DOK7: variants seen among roughly 807,000 people sequenced by gnomAD.
The protein encoded by DOK7 is protein Dok-7.
In DOK7, 32 loss-of-function variants were observed where a neutral mutation model predicts 30.7. The observed-to-expected ratio is 1.04, with a 90% CI of 0.79 to 1.40. The LOEUF (loss-of-function observed/expected upper bound fraction) is 1.40, where lower values mean the gene tolerates loss of function less well. Ranked by LOEUF, DOK7 falls within the 40% of genes most tolerant of loss-of-function variation. DOK7 has a pLI of 0.00. For synonymous variants in DOK7, 447 were observed against 324.1 expected (o/e 1.38, Z -4.07); for missense variants, 1,007 against 699.2 (o/e 1.44, Z -4.97).
chr4:3,483,931 C>G (rs946498855), intron 4 of DOK7, among the ~76,000 whole-genome samples: 1 of 152,218 alleles, frequency 6.6e-6, no homozygotes, highest in Non-Finnish European at 1.5e-5. Context: ...TCACGGCCCT[C>G]ATGAGCCTCT....
chr4:3,485,779 C>G (rs1032053127), intron 5 of DOK7, 121 bp downstream of exon 5: 13 of 1,333,418 alleles, frequency 9.7e-6, no homozygotes, highest in Non-Finnish European at 1.3e-5. Context: ...CCACCCCCAG[C>G]TAAGGAACCA....
At chr4:3,497,153 G>A (rs1187900794), downstream of DOK7, among the ~76,000 whole-genome samples, 1 of 152,080 alleles carries the variant, frequency 6.6e-6, no homozygotes, top group Non-Finnish European at 1.5e-5. Flanking sequence ...GCAGGCTGCT[G>A]GAGGATGGAC....
At chr4:3,484,080 G>A (rs998406768) in intron 4 of DOK7, among the ~76,000 whole-genome samples, 2 of 152,350 alleles carry the variant, frequency 1.3e-5, no homozygotes, top group African/African-American at 2.4e-5. Flanking sequence ...GGGGCCAGGG[G>A]ACTTGGACTT....
Position 3,485,663 on chromosome 4 carries a change from G to A in DOK7, c.652+5G>A, listed in dbSNP as rs772918388. Reference sequence around the variant, plus strand: ...GGCTGCGGCCGGTTCTACCAGGTGCGTGTGGGAGCCTGGCCGGCCGGGGAG... The same window carrying A: ...GGCTGCGGCCGGTTCTACCAGGTGCATGTGGGAGCCTGGCCGGCCGGGGAG... On this transcript the variant is annotated splice_donor_5th_base_variant and intron_variant, in intron 5 of 6. Transcript: ENST00000340083. 35 of 1,570,478 alleles carry A rather than the reference G, an allele frequency of 2.2e-5. No homozygotes were observed. The highest frequency in any genetic ancestry group is 2.1e-4 in the East Asian group (9 of 42,000).
chr4:3,484,525 G>T, intron 4 of DOK7: 3 of 985,530 alleles, frequency 3.0e-6, no homozygotes, highest in Non-Finnish European at 3.6e-6. Flanking sequence ...CCAGCCGGGT[G>T]CAGCCAGCCC....
At chr4:3,480,981 A>G (rs1162483854) in intron 4 of DOK7, among the ~76,000 whole-genome samples, 3 of 152,098 alleles carry the variant, frequency 2.0e-5, no homozygotes, top group Admixed American at 6.5e-5. Context: ...CAGGGTGAAT[A>G]GGAGTTAGCT....
Position 3,487,595 on chromosome 4 carries a change from C to T in DOK7, c.652+1937C>T, listed in dbSNP as rs910057052. ...GGGGTCCACCATGCTCCGAGTATGG[C>T]GTGCATGTTACCTTCTTGGCCTGGC... On this transcript the variant is annotated intron_variant, in intron 5 of 6. Coordinates refer to ENST00000340083, the MANE Select transcript of DOK7 (RefSeq NM_173660.5). 1.1e-4 allele frequency among the ~76,000 whole-genome samples: 17 copies of T among 152,178 alleles called. 1 individual carries two copies. Among genetic ancestry groups the T allele is most frequent in the Admixed American group, 9.2e-4 (14 of 15,278 alleles).
At chr4:3,489,593 ACT>A (rs1172802623) in intron 5 of DOK7, 82 bp from the exon 6 acceptor site, 27 of 1,547,194 alleles carry the variant, frequency 1.7e-5, no homozygotes, top group Non-Finnish European at 2.3e-5. Flanking sequence ...GGGGATAACC[ACT>A]GAGTCAGGCT....
intron 2 of DOK7, among the ~76,000 whole-genome samples, chr4:3,473,057 G>A (rs73793916): frequency 1.3e-4 from 20 of 152,312 alleles, no homozygotes; most frequent in Non-Finnish European, 2.5e-4. Context: ...CCCCAAGCCC[G>A]TGACCACAGA....
Position 3,468,740 on chromosome 4 carries a change from GTGTA to G in DOK7, c.101-4662_101-4659del, listed in dbSNP as rs762588330. 5.1e-3 allele frequency among the ~76,000 whole-genome samples: 595 copies of G among 117,690 alleles called. 2 individuals are homozygous for G. The highest frequency in any genetic ancestry group is 0.015 in the South Asian group (48 of 3,286). 77.2% of individuals were successfully genotyped at this position (117,690 alleles called of 152,430 possible). Reference sequence around the variant, plus strand: ...TGTGTGCGTGCCTGTATGTCTGCCTGTGTATGTGTCTGTGTGCGTGTGTGTGTGC... The same window carrying G: ...TGTGTGCGTGCCTGTATGTCTGCCTGTGTGTCTGTGTGCGTGTGTGTGTGC... On this transcript the variant is annotated intron_variant, in intron 2 of 6. Transcript: ENST00000340083.
In DOK7 at chr4:3,485,538, G is replaced by T; in HGVS notation, c.533-1G>T. ...GACCTGTCTCTGTCCTTCCTCTGCA[G>T]GGGCTGGCGTCTTCTTCCTGTCCTC... On this transcript the variant is annotated splice_acceptor_variant, in intron 4 of 6. Coordinates refer to ENST00000340083, the MANE Select transcript of DOK7 (RefSeq NM_173660.5). LOFTEE classifies it high-confidence loss of function. 6.3e-7 allele frequency: 1 copy of T among 1,599,988 alleles called. No homozygotes were observed. The highest frequency in any genetic ancestry group is 2.3e-5 in the East Asian group (1 of 43,768).
Position 3,493,344 on chromosome 4 carries a change from G to C in DOK7, c.1358G>C (p.Gly453Ala). 1 of 1,599,342 alleles carries C rather than the reference G, an allele frequency of 6.3e-7. No individual in the cohort carries two copies. The highest frequency in any genetic ancestry group is 8.5e-7 in the Non-Finnish European group (1 of 1,173,292). ...PSGWLGTRRR[G>A]LVMEAPQGSE... ...GGCTGGCTGGGCACGAGACGGCGGG[G>C]CCTGGTGATGGAGGCCCCCCAGGGC... Residue 453 changes from glycine (G) to alanine (A), a missense_variant, in exon 7 of 7, where the codon GGC becomes GCC. Gly to Ala is a moderately conservative substitution (Grantham distance 60). Coordinates refer to ENST00000340083, the MANE Select transcript of DOK7 (RefSeq NM_173660.5).
intron 2 of DOK7, among the ~76,000 whole-genome samples, chr4:3,468,109 CGTGT>C (rs1206808110): frequency 6.6e-6 from 1 of 152,150 alleles, no homozygotes; most frequent in Non-Finnish European, 1.5e-5. Flanking sequence ...ACTGTGTCCA[CGTGT>C]GTGTGCATGT....
intron 7 of DOK7, chr4:3,500,616 G>A (rs2109446527): frequency 2.0e-6 from 3 of 1,532,688 alleles, no homozygotes; most frequent in East Asian, 4.9e-5. Flanking sequence ...CTGGCTGGGG[G>A]ACTGGTGTGG....
Position 3,489,621 on chromosome 4 carries a change from G to A in DOK7, c.653-56G>A, listed in dbSNP as rs538624477. ...GAGTCAGGCTGGGCCTGGTGCCTGC[G>A]GGCGAGGGTGGGCGGTGGTGGCCAC... On this transcript the variant is annotated intron_variant, in intron 5 of 6. Transcript: ENST00000340083. 8.4e-5 allele frequency: 130 copies of A among 1,553,572 alleles called. 1 individual carries two copies. In the Middle Eastern group the frequency reaches 1.3e-3, roughly 15 times the overall value.
chr4:3,463,457 G>C lies in DOK7; in HGVS notation c.54+28G>C, dbSNP rs772575255. 8.9e-5 allele frequency: 127 copies of C among 1,422,734 alleles called. No individual in the cohort carries two copies. Among genetic ancestry groups the C allele is most frequent in the South Asian group, 4.2e-4 (29 of 68,938 alleles). The allele number at this position is 1,422,734 out of a possible 1,614,324, so 88.1% of individuals were successfully genotyped here. ...CGGGGCGCGTCGGGGGCGCGGGGGG[G>C]GGGGGCGCGGGCGCGGGCGGCGGCT... is the stretch of plus-strand genomic sequence containing the variant. On this transcript the variant is annotated intron_variant, in intron 1 of 6. Coordinates refer to ENST00000340083, the MANE Select transcript of DOK7 (RefSeq NM_173660.5).
chr4:3,499,843 C>A (rs370967821), intron 6 of DOK7, among the ~76,000 whole-genome samples: 4 of 151,050 alleles, frequency 2.6e-5, no homozygotes, highest in South Asian at 4.2e-4. Context: ...TGTGCTGGCC[C>A]GGGAGGGTTA....
At chr4:3,499,237 G>A (rs2109443020), downstream of DOK7, among the ~76,000 whole-genome samples, 1 of 152,320 alleles carries the variant, frequency 6.6e-6, no homozygotes, top group South Asian at 2.1e-4. Flanking sequence ...TCACCCGCTG[G>A]ATCCCAGCCC....
At position 3,493,967 on chromosome 4, in the gene DOK7, C is replaced by A; in HGVS notation, c.*466C>A. On this transcript the variant is annotated 3_prime_UTR_variant, in exon 7 of 7. Coordinates refer to ENST00000340083, the MANE Select transcript of DOK7 (RefSeq NM_173660.5). The stretch of plus-strand genomic sequence containing the variant: ...AAGCATCAAGCTACCACAGAGGCTC[C>A]GGCCACCTGGGCTCCACCAGCCCAG... The A allele has an allele frequency of 1.0e-6, 1 of 994,906 alleles. No individual in the cohort carries two copies. Among genetic ancestry groups the A allele is most frequent in the Non-Finnish European group, 1.2e-6 (1 of 837,820 alleles). The allele number at this position is 994,906 out of a possible 1,614,324, so 61.6% of individuals were successfully genotyped here.
Sources: allele counts gnomAD v4.1 joint callset (sites outside exome capture counted in the v4.1 genomes callset), GRCh38; gene constraint gnomAD v4.1.1; transcripts MANE v1.5; gene names NCBI Gene and HGNC (gene_info 2026-07-23, HGNC 2026-07-21).